The following GNG7 variants were observed in gnomAD, a reference collection of about 807,000 sequenced individuals.
The protein encoded by GNG7 is G protein subunit gamma 7.
A neutral mutation model predicts 4.0 loss-of-function variants in GNG7; 1 was observed. That is an observed-to-expected ratio of 0.25 (90% CI 0.09 to 1.18). GNG7 has a LOEUF of 1.18. GNG7 is among the 50% of genes most tolerant of loss of function. The pLI, the probability that GNG7 is intolerant of heterozygous loss-of-function variation, is 0.50. For missense variants in GNG7, 86 were observed against 91.9 expected (o/e 0.94, Z 0.26); for synonymous variants, 34 against 36.9 (o/e 0.92, Z 0.29).
chr19:2,667,218 AGGCTGAGGCGGCAGAATCGC>A (rs1983333355), intron 1 of GNG7, among the ~76,000 whole-genome samples: 1 of 152,156 alleles, frequency 6.6e-6, no homozygotes, highest in Non-Finnish European at 1.5e-5. Flanking sequence ...GATACTTGGG[AGGCTGAGGCGGCAGAATCGC>A]TTGAACCCGG....
Position 2,614,807 on chromosome 19 carries a change from C to T in GNG7, c.-78+31417G>A, listed in dbSNP as rs968930979. On this transcript the variant is annotated intron_variant, in intron 2 of 4. Coordinates refer to ENST00000382159, the MANE Select transcript of GNG7 (RefSeq NM_052847.3). The surrounding 1 kb of genome is among the most constrained non-coding windows in gnomAD (Gnocchi z 6.0). ...ATTCCTCTGGGCAGATAACTAGGAG[C>T]GGAATTGCTGGGTCATGTGGCGACT... 5.3e-5 allele frequency among the ~76,000 whole-genome samples: 8 copies of T among 152,306 alleles called. No individual in the cohort carries two copies. The highest frequency in any genetic ancestry group is 1.4e-4 in the African/African-American group (6 of 41,562).
intron 2 of GNG7, chr19:2,643,059 T>G (rs531893449): frequency 1.1e-5 from 5 of 442,678 alleles, no homozygotes; most frequent in African/African-American, 1.1e-4. Flanking sequence ...CTGAGCCCTC[T>G]CCGGGCTCTG....
chr19:2,627,946 A>G (rs1261202218), intron 2 of GNG7, among the ~76,000 whole-genome samples: 1 of 152,204 alleles, frequency 6.6e-6, no homozygotes, highest in Non-Finnish European at 1.5e-5. Flanking sequence ...CAGATCCCTG[A>G]TCTTAATGAA....
At position 2,626,457 on chromosome 19, in the gene GNG7, T is replaced by A. The variant is rs1208863514; in HGVS notation, c.-78+19767A>T. 6.6e-6 allele frequency among the ~76,000 whole-genome samples: 1 copy of A among 152,148 alleles called. No individual in the cohort carries two copies. The highest frequency in any genetic ancestry group is 1.5e-5 in the Non-Finnish European group (1 of 68,008). On this transcript the variant is annotated intron_variant, in intron 2 of 4. Transcript: ENST00000382159. This position sits in a 1 kb window ranked among gnomAD's most constrained non-coding sequence, Gnocchi z 5.0. ...GCTCCCTCCTGCCCTCGGGATAAAA[T>A]GCAGCCTCTGCCGTGCGGCCTCCTC...
chr19:2,604,513 G>A (rs1253578283), intron 2 of GNG7, among the ~76,000 whole-genome samples: 3 of 133,720 alleles, frequency 2.2e-5, no homozygotes, highest in East Asian at 2.2e-4. Context: ...GGAAGGAAGC[G>A]AGGGAGGGAG....
rs11880620 is a variant in GNG7, at chr19:2,642,973, G to A, written c.-78+3251C>T. On this transcript the variant is annotated intron_variant, in intron 2 of 4. Coordinates refer to ENST00000382159, the MANE Select transcript of GNG7 (RefSeq NM_052847.3). ...CCTTCTGGCCCTGCCGTCGGCACCC[G>A]AAATGCAAAGTCTGCGCCCTCTCCG... The A allele has an allele frequency of 1.1e-3, 493 of 445,314 alleles. 1 individual carries two copies. Among genetic ancestry groups the A allele is most frequent in the African/African-American group, 9.8e-3 (454 of 46,168 alleles). 27.6% of individuals were successfully genotyped at this position (445,314 alleles called of 1,614,324 possible).
At chr19:2,631,270 G>A (rs987671869) in intron 2 of GNG7, among the ~76,000 whole-genome samples, 2 of 152,160 alleles carry the variant, frequency 1.3e-5, no homozygotes, top group Non-Finnish European at 2.9e-5. Context: ...GCAGAGTTGG[G>A]AGCCCAAGCC....
At chr19:2,585,996 C>T (rs754619347) in intron 2 of GNG7, among the ~76,000 whole-genome samples, 5 of 152,162 alleles carry the variant, frequency 3.3e-5, no homozygotes, top group African/African-American at 4.8e-5. Flanking sequence ...CGCCGTGCCC[C>T]GGCCAAAATG....
rs547242023 is a variant in GNG7, at chr19:2,512,219, CT to C, written c.*2802del. 346 of 985,900 alleles carry C rather than the reference CT, an allele frequency of 3.5e-4. No individual in the cohort carries two copies. In the African/African-American group the frequency reaches 5.7e-3, roughly 16 times the overall value. 61.1% of individuals were successfully genotyped at this position (985,900 alleles called of 1,614,324 possible). On this transcript the variant is annotated 3_prime_UTR_variant, in exon 5 of 5. Transcript: ENST00000382159. The surrounding 1 kb of genome is among the most constrained non-coding windows in gnomAD (Gnocchi z 4.7). Reference sequence around the variant, plus strand: ...CCCGTCTGGAGGTGCACGCGCGCTCCTGGAAACGCCCATAAAACATGCGTTC... The same window carrying C: ...CCCGTCTGGAGGTGCACGCGCGCTCCGGAAACGCCCATAAAACATGCGTTC...
intron 1 of GNG7, among the ~76,000 whole-genome samples, chr19:2,697,502 A>T (rs1450954934): frequency 6.6e-6 from 1 of 152,174 alleles, no homozygotes; most frequent in Admixed American, 6.6e-5. Context: ...CTCCTGGGTG[A>T]CGTAAACCAT....
At chr19:2,662,346 C>T (rs1983203356) in intron 1 of GNG7, among the ~76,000 whole-genome samples, 1 of 152,000 alleles carries the variant, frequency 6.6e-6, no homozygotes, top group South Asian at 2.1e-4. Flanking sequence ...TAGCTGTCCC[C>T]TAATTCGATT....
intron 2 of GNG7, among the ~76,000 whole-genome samples, chr19:2,645,269 C>T (rs911412508): frequency 2.2e-4 from 30 of 136,238 alleles, no homozygotes; most frequent in Non-Finnish European, 4.4e-4. Context: ...GAAGGAGTTT[C>T]GCTCTGTCAC....
At chr19:2,559,994 G>T (rs1171902521) in intron 2 of GNG7, among the ~76,000 whole-genome samples, 1 of 152,068 alleles carries the variant, frequency 6.6e-6, no homozygotes, top group Non-Finnish European at 1.5e-5. Flanking sequence ...ACCAAAAAGA[G>T]CACAAAAACG....
intron 3 of GNG7, among the ~76,000 whole-genome samples, chr19:2,536,693 T>C (rs1352613797): frequency 3.3e-5 from 5 of 152,092 alleles, no homozygotes; most frequent in Non-Finnish European, 7.4e-5. Context: ...GGAGACCTGG[T>C]TCTGAGCACG....
chr19:2,524,489 T>A (rs1403511415), intron 3 of GNG7, among the ~76,000 whole-genome samples: 1 of 152,238 alleles, frequency 6.6e-6, no homozygotes, highest in Non-Finnish European at 1.5e-5. Flanking sequence ...TGTATGTGTA[T>A]ACTGGCATTC....
rs1332733700 is a variant in GNG7 at position 2,511,767 on chromosome 19, C to T, written c.*3255G>A. On this transcript the variant is annotated 3_prime_UTR_variant, in exon 5 of 5. Coordinates refer to ENST00000382159, the MANE Select transcript of GNG7 (RefSeq NM_052847.3). This position sits in a 1 kb window ranked among gnomAD's most constrained non-coding sequence, Gnocchi z 6.3. The stretch of plus-strand genomic sequence containing the variant: ...GGAGGGAAACAGGAGCACCTTCCGC[C>T]CTGGCCCAGCCGCCCCGTTTATGTC... 1.0e-6 allele frequency: 1 copy of T among 980,642 alleles called. No individual in the cohort carries two copies. The highest frequency in any genetic ancestry group is 1.2e-6 in the Non-Finnish European group (1 of 825,132). The allele number at this position is 980,642 out of a possible 1,614,324, so 60.7% of individuals were successfully genotyped here. A position where few individuals can be genotyped will look rare whatever the true frequency, so the allele number is the denominator to read the frequency against.
chr19:2,693,951 C>T (rs796739656), intron 1 of GNG7, among the ~76,000 whole-genome samples: 4 of 151,564 alleles, frequency 2.6e-5, no homozygotes, highest in African/African-American at 9.7e-5. Flanking sequence ...AAACCCATCA[C>T]TCGACACAAT....
At chr19:2,680,178 CGCTCTGTT>C (rs1983696099) in intron 1 of GNG7, among the ~76,000 whole-genome samples, 1 of 140,234 alleles carries the variant, frequency 7.1e-6, no homozygotes, top group African/African-American at 2.7e-5. Context: ...GACAGAGTCT[CGCTCTGTT>C]GCCCAGGCTG....
At chr19:2,568,068 TACAC>T (rs1325432002) in intron 2 of GNG7, among the ~76,000 whole-genome samples, 2 of 146,806 alleles carry the variant, frequency 1.4e-5, no homozygotes, top group African/African-American at 2.5e-5. Context: ...CATATAGACA[TACAC>T]ACATATACAC....
Sources: gnomAD v4.1 joint callset for allele counts (sites outside exome capture counted in the v4.1 genomes callset) on GRCh38, gnomAD v4.1.1 for gene constraint, Gnocchi (gnomAD v3.1) non-coding constraint, MANE v1.5 for transcripts, NCBI Gene and HGNC (gene_info 2026-07-23, HGNC 2026-07-21) for gene names.